Variants in FANCC observed in about 807,000 individuals in gnomAD.
FANCC encodes Fanconi anemia group C protein.
A neutral mutation model predicts 71.3 loss-of-function variants in FANCC; 55 were observed. That is an observed-to-expected ratio of 0.77 (90% CI 0.62 to 0.97). FANCC has a LOEUF of 0.97. FANCC is among the 50% of genes least tolerant of loss of function. The pLI, the probability that FANCC is intolerant of heterozygous loss-of-function variation, is 0.00. For synonymous variants in FANCC, 275 were observed against 244.9 expected, an observed-to-expected ratio of 1.12 and a Z score of -1.15; for missense variants, 678 against 670.9, an observed-to-expected ratio of 1.01 and a Z score of -0.12.
chr9:95,211,696 G>A (rs1236333780), intron 4 of FANCC, among the ~76,000 whole-genome samples: 1 of 152,052 alleles, frequency 6.6e-6, no homozygotes, highest in African/African-American at 2.4e-5. Context: ...AAAGTTACTA[G>A]GTATGCTCAG....
intron 3 of FANCC, among the ~76,000 whole-genome samples, chr9:95,246,577 A>G (rs1695212625): frequency 6.6e-6 from 1 of 152,226 alleles, no homozygotes; most frequent in Admixed American, 6.5e-5. Flanking sequence ...GGGAGGCCCT[A>G]GGACAACAAA....
chr9:95,305,213 A>G (rs1835003188), intron 1 of FANCC, among the ~76,000 whole-genome samples: 1 of 152,254 alleles, frequency 6.6e-6, no homozygotes, highest in Non-Finnish European at 1.5e-5. Context: ...AGCCATGCAC[A>G]AAGAATTAGG....
intron 1 of FANCC, among the ~76,000 whole-genome samples, chr9:95,264,994 T>C (rs1423310788): frequency 6.6e-6 from 1 of 151,888 alleles, no homozygotes; most frequent in East Asian, 1.9e-4. Context: ...TTTTTTTTTT[T>C]TTGAAAGTCA....
At chr9:95,312,571 CA>C (rs1169719627) in intron 1 of FANCC, among the ~76,000 whole-genome samples, 1 of 152,230 alleles carries the variant, frequency 6.6e-6, no homozygotes, top group African/African-American at 2.4e-5. Flanking sequence ...AGGCTTGTCT[CA>C]AACTCCTAGT....
intron 8 of FANCC, among the ~76,000 whole-genome samples, chr9:95,132,319 TA>T (rs1210246653): frequency 6.6e-6 from 1 of 152,226 alleles, no homozygotes; most frequent in Non-Finnish European, 1.5e-5. Context: ...AACAAAATTG[TA>T]ACTGGAAAAC....
At chr9:95,120,752 C>CT (rs1466782776) in intron 10 of FANCC, among the ~76,000 whole-genome samples, 1 of 152,140 alleles carries the variant, frequency 6.6e-6, no homozygotes, top group African/African-American at 2.4e-5. Context: ...TTTGTTCAAT[C>CT]TGACGTTTCT....
At position 95,101,653 on chromosome 9, in the gene FANCC, G is replaced by A; in HGVS notation, c.*54C>T. On this transcript the variant is annotated 3_prime_UTR_variant, in exon 15 of 15. Coordinates refer to ENST00000289081, the MANE Select transcript of FANCC (RefSeq NM_000136.3). Reference sequence around the variant, plus strand: ...GGCCACAGGTCATCACCTGTCCTGTGGCCCTGGCGAGCCTGATCCCTCACG... The same window carrying A: ...GGCCACAGGTCATCACCTGTCCTGTAGCCCTGGCGAGCCTGATCCCTCACG... 6.2e-7 allele frequency: 1 copy of A among 1,608,482 alleles called. No homozygotes were observed. The highest frequency in any genetic ancestry group is 2.2e-5 in the East Asian group (1 of 44,846).
At chr9:95,163,932 CTT>C (rs1830908531) in intron 6 of FANCC, among the ~76,000 whole-genome samples, 1 of 152,202 alleles carries the variant, frequency 6.6e-6, no homozygotes, top group African/African-American at 2.4e-5. Context: ...TTATTTATGT[CTT>C]ATTTAATTTC....
intron 1 of FANCC, chr9:95,293,692 T>G (rs1178981743): frequency 3.1e-6 from 5 of 1,613,874 alleles, no homozygotes; most frequent in Non-Finnish European, 4.2e-6. Flanking sequence ...GATTCTCAAG[T>G]GTCTCTTCCC....
chr9:95,149,549 G>A (rs1300025634), intron 7 of FANCC, among the ~76,000 whole-genome samples: 1 of 151,898 alleles, frequency 6.6e-6, no homozygotes, highest in Admixed American at 6.5e-5. Flanking sequence ...CACAATCTCG[G>A]CTCACTGCAA....
intron 1 of FANCC, chr9:95,293,676 T>C (rs1834196853): frequency 2.5e-6 from 4 of 1,613,980 alleles, no homozygotes; most frequent in Admixed American, 1.7e-5. Flanking sequence ...AACTGATTTG[T>C]TGTTTGATTC....
chr9:95,149,101 T>C (rs1012679631), intron 7 of FANCC, among the ~76,000 whole-genome samples: 1 of 152,136 alleles, frequency 6.6e-6, no homozygotes, highest in African/African-American at 2.4e-5. Flanking sequence ...GAAAAGAGCA[T>C]TGCTTTTCAT....
At chr9:95,162,163 T>C (rs924763498) in intron 6 of FANCC, among the ~76,000 whole-genome samples, 4 of 152,140 alleles carry the variant, frequency 2.6e-5, no homozygotes, top group African/African-American at 9.6e-5. Context: ...TTCTACAAGT[T>C]TGACTAATTT....
chr9:95,200,278 C>T (rs532726593), intron 4 of FANCC, among the ~76,000 whole-genome samples: 1 of 152,300 alleles, frequency 6.6e-6, no homozygotes, highest in Non-Finnish European at 1.5e-5. Context: ...CCCTAGGAAG[C>T]TCAACTCACC....
intron 4 of FANCC, among the ~76,000 whole-genome samples, chr9:95,189,778 T>C (rs1394561601): frequency 6.6e-6 from 1 of 152,220 alleles, no homozygotes; most frequent in Non-Finnish European, 1.5e-5. Context: ...TTGCCCCCTT[T>C]TCTAAAGTCC....
intron 1 of FANCC, among the ~76,000 whole-genome samples, chr9:95,297,742 T>C (rs1834470336): frequency 6.6e-6 from 1 of 152,240 alleles, no homozygotes. Context: ...ATGTATAATG[T>C]ATTTTTTGGA....
At chr9:95,278,697 TATG>T (rs1360498727) in intron 1 of FANCC, among the ~76,000 whole-genome samples, 1 of 152,120 alleles carries the variant, frequency 6.6e-6, no homozygotes, top group Non-Finnish European at 1.5e-5. Context: ...ATTTTCAACT[TATG>T]ATGATATAAC....
chr9:95,168,243 G>A (rs1825433045), intron 6 of FANCC, among the ~76,000 whole-genome samples: 1 of 152,084 alleles, frequency 6.6e-6, no homozygotes, highest in Admixed American at 6.5e-5. Flanking sequence ...CCCTCTAGTA[G>A]GCCCCTGAGA....
intron 1 of FANCC, chr9:95,292,357 TGGC>T: frequency 6.2e-6 from 6 of 961,828 alleles, no homozygotes; most frequent in East Asian, 8.9e-5. Flanking sequence ...TCGGAGGCGG[TGGC>T]GGCGGCGGGG....
Sources: allele counts gnomAD v4.1 joint callset (sites outside exome capture counted in the v4.1 genomes callset), GRCh38; gene constraint gnomAD v4.1.1; transcripts MANE v1.5; gene names NCBI Gene and HGNC (gene_info 2026-07-23, HGNC 2026-07-21).